The following ARK2C variants were observed in gnomAD, a reference collection of about 807,000 sequenced individuals.
ARK2C encodes arkadia (RNF111) C-terminal like ring finger ubiquitin ligase 2C, also known as E3 ubiquitin-protein ligase ARK2C.
chr18:46,394,465 G>A, the ARK2C span, among the ~76,000 whole-genome samples: 1 of 152,198 alleles, frequency 6.6e-6, no homozygotes. Flanking sequence ...GGCATCTCTG[G>A]GGATGTGCAG....
chr18:46,340,611 C>G, the ARK2C span, among the ~76,000 whole-genome samples: 340 of 152,346 alleles, frequency 2.2e-3, no homozygotes, highest in African/African-American at 7.7e-3. Context: ...GATAAAAGAG[C>G]TTGGAGCAGT....
At chr18:46,363,546 T>C in the ARK2C span, among the ~76,000 whole-genome samples, 7,334 of 152,252 alleles carry the variant, frequency 0.048, 236 homozygotes, top group Non-Finnish European at 0.077. Flanking sequence ...GATCCCTGAT[T>C]CACCCCTGCA....
the ARK2C span, among the ~76,000 whole-genome samples, chr18:46,358,120 A>G: frequency 2.0e-4 from 30 of 152,292 alleles, no homozygotes; most frequent in African/African-American, 7.2e-4. Context: ...GGTACTGGGG[A>G]TTAGGACATC....
the ARK2C span, chr18:46,337,195 C>T: frequency 3.0e-6 from 3 of 985,192 alleles, no homozygotes; most frequent in Non-Finnish European, 3.6e-6. Flanking sequence ...CCCAGACTGC[C>T]ATTTGGCAAT....
chr18:46,439,933 C>T, the ARK2C span, among the ~76,000 whole-genome samples: 18 of 152,156 alleles, frequency 1.2e-4, no homozygotes, highest in African/African-American at 3.9e-4. Flanking sequence ...CAGGTTCAAG[C>T]GATTCTCCTG....
chr18:46,451,733 A>G, the ARK2C span, among the ~76,000 whole-genome samples: 3 of 152,240 alleles, frequency 2.0e-5, no homozygotes, highest in Non-Finnish European at 4.4e-5. Flanking sequence ...TGAGCCCAGG[A>G]GTTTGAGGCT....
At chr18:46,361,520 C>G in the ARK2C span, among the ~76,000 whole-genome samples, 1 of 152,190 alleles carries the variant, frequency 6.6e-6, no homozygotes, top group African/African-American at 2.4e-5. Context: ...TCCCCTGTGC[C>G]CGGCCACACG....
chr18:46,343,115 G>T, the ARK2C span, among the ~76,000 whole-genome samples: 1 of 152,212 alleles, frequency 6.6e-6, no homozygotes, highest in African/African-American at 2.4e-5. Context: ...AGGCCGCTTG[G>T]TGCTGCTCTA....
chr18:46,415,337 G>T, the ARK2C span, among the ~76,000 whole-genome samples: 1,095 of 152,162 alleles, frequency 7.2e-3, 12 homozygotes, highest in African/African-American at 0.025. Context: ...TGGCTAACAC[G>T]GTGAAACCCC....
At chr18:46,394,470 G>A in the ARK2C span, among the ~76,000 whole-genome samples, 1 of 152,150 alleles carries the variant, frequency 6.6e-6, no homozygotes, top group Non-Finnish European at 1.5e-5. Context: ...CTCTGGGGAT[G>A]TGCAGTTCTG....
chr18:46,350,240 A>G, the ARK2C span, among the ~76,000 whole-genome samples: 1 of 152,236 alleles, frequency 6.6e-6, no homozygotes, highest in Admixed American at 6.5e-5. Context: ...TGCAGGCCTT[A>G]TCTAGGAAAA....
At chr18:46,350,768 T>C in the ARK2C span, among the ~76,000 whole-genome samples, 2 of 152,188 alleles carry the variant, frequency 1.3e-5, no homozygotes, top group Non-Finnish European at 2.9e-5. Context: ...TGTTCTGCTT[T>C]ATAAAGTGTC....
chr18:46,376,700 C>G, the ARK2C span, among the ~76,000 whole-genome samples: 75 of 101,684 alleles, frequency 7.4e-4, no homozygotes, highest in African/African-American at 2.8e-3. Context: ...GAGATGGAGT[C>G]TTGCTCTGAT....
chr18:46,440,956 C>G, the ARK2C span, among the ~76,000 whole-genome samples: 1 of 151,636 alleles, frequency 6.6e-6, no homozygotes, highest in African/African-American at 2.4e-5. Context: ...CATCTACTTT[C>G]TGGAAGAGGT....
At chr18:46,344,365 C>G in the ARK2C span, among the ~76,000 whole-genome samples, 1 of 151,318 alleles carries the variant, frequency 6.6e-6, no homozygotes, top group Non-Finnish European at 1.5e-5. Context: ...CTTCTCCCCC[C>G]GCCCCCAGCT....
At chr18:46,412,818 C>T in the ARK2C span, among the ~76,000 whole-genome samples, 1 of 152,086 alleles carries the variant, frequency 6.6e-6, no homozygotes, top group South Asian at 2.1e-4. Flanking sequence ...AGATGGCACA[C>T]CTGTGGGCCA....
chr18:46,407,438 T>G, the ARK2C span, among the ~76,000 whole-genome samples: 1 of 152,236 alleles, frequency 6.6e-6, no homozygotes, highest in Non-Finnish European at 1.5e-5. Flanking sequence ...ATTATTATTA[T>G]GTGGCTTTAT....
At chr18:46,406,275 G>A in the ARK2C span, among the ~76,000 whole-genome samples, 3 of 152,196 alleles carry the variant, frequency 2.0e-5, no homozygotes, top group Non-Finnish European at 4.4e-5. Flanking sequence ...CCACTGTCAC[G>A]GGACTGGATG....
the ARK2C span, among the ~76,000 whole-genome samples, chr18:46,445,201 T>C: frequency 2.6e-5 from 4 of 152,194 alleles, no homozygotes; most frequent in African/African-American, 9.6e-5. Context: ...TTCGTTCTGG[T>C]AAGGAGCACT....
Sources: allele counts gnomAD v4.1 joint callset (sites outside exome capture counted in the v4.1 genomes callset), GRCh38; gene constraint gnomAD v4.1.1; transcripts MANE v1.5; gene names NCBI Gene and HGNC (gene_info 2026-07-23, HGNC 2026-07-21).